The following LHFPL3 variants were observed in gnomAD, a reference collection of about 807,000 sequenced individuals.
The protein encoded by LHFPL3 is LHFPL tetraspan subfamily member 3 protein.
Under a neutral mutation model 19.3 loss-of-function variants are expected in LHFPL3, and 5 were observed. The ratio of observed to expected loss-of-function variants is 0.26; its 90% CI spans 0.14 to 0.54. The LOEUF is 0.54. Ranked by LOEUF, LHFPL3 falls within the 20% of genes least tolerant of loss-of-function variation. The pLI is 0.94. For synonymous variants in LHFPL3, 133 were observed against 126.2 expected (o/e 1.05, Z -0.36); for missense variants, 249 against 307.4 (o/e 0.81, Z 1.42).
At chr7:104,624,503 A>G (rs1057097802) in intron 1 of LHFPL3, among the ~76,000 whole-genome samples, 2 of 152,338 alleles carry the variant, frequency 1.3e-5, no homozygotes, top group Non-Finnish European at 2.9e-5. Flanking sequence ...TGCTTCAGCT[A>G]TAACCATAGT....
At chr7:104,819,057 G>C (rs959499839) in intron 2 of LHFPL3, among the ~76,000 whole-genome samples, 1 of 151,926 alleles carries the variant, frequency 6.6e-6, no homozygotes, top group Non-Finnish European at 1.5e-5. Flanking sequence ...TGTTTATTTT[G>C]CATGCCTTCA....
intron 1 of LHFPL3, among the ~76,000 whole-genome samples, chr7:104,332,543 C>T (rs1481133556): frequency 6.6e-6 from 1 of 152,084 alleles, no homozygotes; most frequent in African/African-American, 2.4e-5. Flanking sequence ...AATCCTATTT[C>T]AAGTGATACA....
At chr7:104,669,562 G>A in intron 1 of LHFPL3, 1 of 1,611,136 alleles carries the variant, frequency 6.2e-7, no homozygotes, top group Non-Finnish European at 8.5e-7. Context: ...TGAGGGAGAA[G>A]ATTATGCCAA....
intron 1 of LHFPL3, among the ~76,000 whole-genome samples, chr7:104,670,282 A>G (rs2116035638): frequency 6.6e-6 from 1 of 152,278 alleles, no homozygotes; most frequent in South Asian, 2.1e-4. Flanking sequence ...ATTTTGCACC[A>G]GGTAATAGGG....
chr7:104,410,519 T>A (rs1433141954), intron 1 of LHFPL3, among the ~76,000 whole-genome samples: 1 of 152,214 alleles, frequency 6.6e-6, no homozygotes, highest in Non-Finnish European at 1.5e-5. Flanking sequence ...AAATAATGAA[T>A]GTGAAAACAA....
intron 2 of LHFPL3, among the ~76,000 whole-genome samples, chr7:104,817,599 AC>A (rs1790580050): frequency 6.6e-6 from 1 of 152,206 alleles, no homozygotes; most frequent in Admixed American, 6.5e-5. Context: ...GAGGACAAAA[AC>A]AACATCTATG....
chr7:104,676,405 T>TA (rs905652195), intron 1 of LHFPL3, among the ~76,000 whole-genome samples: 4 of 152,096 alleles, frequency 2.6e-5, no homozygotes, highest in African/African-American at 4.8e-5. Flanking sequence ...CTTTTTACTT[T>TA]AAAAAAAATT....
At chr7:104,850,454 G>T (rs755247489) in intron 2 of LHFPL3, among the ~76,000 whole-genome samples, 7 of 152,156 alleles carry the variant, frequency 4.6e-5, no homozygotes, top group Admixed American at 2.0e-4. Flanking sequence ...TTCATTTTGG[G>T]TGTTGTTTTC....
chr7:104,377,197 A>G (rs1473138863), intron 1 of LHFPL3, among the ~76,000 whole-genome samples: 2 of 152,168 alleles, frequency 1.3e-5, no homozygotes, highest in Admixed American at 1.3e-4. Context: ...GGAAGGATAG[A>G]ATTTGCTGAT....
At chr7:104,541,103 GACACACACACACACACACACAC>G (rs58831498) in intron 1 of LHFPL3, among the ~76,000 whole-genome samples, 1 of 134,544 alleles carries the variant, frequency 7.4e-6, no homozygotes, top group East Asian at 2.2e-4. Context: ...TCCTCCCCAT[GACACACACACACACACACACAC>G]ACACACACAC....
intron 1 of LHFPL3, among the ~76,000 whole-genome samples, chr7:104,561,064 T>A (rs1391570317): frequency 6.6e-6 from 1 of 152,052 alleles, no homozygotes; most frequent in Non-Finnish European, 1.5e-5. Flanking sequence ...TTATAATTTC[T>A]GTTCTTTTAC....
intron 1 of LHFPL3, among the ~76,000 whole-genome samples, chr7:104,420,591 G>T (rs1791710402): frequency 8.5e-6 from 1 of 117,720 alleles, no homozygotes; most frequent in African/African-American, 3.2e-5. Context: ...ACGGAGTCTC[G>T]CTCTTTCGCC....
At chr7:104,868,207 T>C (rs1483255101) in intron 2 of LHFPL3, among the ~76,000 whole-genome samples, 2 of 152,064 alleles carry the variant, frequency 1.3e-5, no homozygotes, top group African/African-American at 4.8e-5. Context: ...CTATTCAACA[T>C]AGTGTTGGAA....
At chr7:104,626,959 T>G (rs994757587) in intron 1 of LHFPL3, among the ~76,000 whole-genome samples, 1 of 152,170 alleles carries the variant, frequency 6.6e-6, no homozygotes, top group Non-Finnish European at 1.5e-5. Flanking sequence ...AACATATCCA[T>G]TACTTCTCTT....
intron 1 of LHFPL3, among the ~76,000 whole-genome samples, chr7:104,463,854 T>C (rs1025720238): frequency 5.3e-5 from 8 of 152,150 alleles, no homozygotes; most frequent in Non-Finnish European, 1.2e-4. Context: ...AACCATATTG[T>C]CCGTCCCCAG....
At chr7:104,397,048 A>G (rs542248158) in intron 1 of LHFPL3, among the ~76,000 whole-genome samples, 11 of 152,182 alleles carry the variant, frequency 7.2e-5, no homozygotes, top group Non-Finnish European at 1.6e-4. Context: ...AAAAACATCA[A>G]ATGAATATAC....
intron 1 of LHFPL3, among the ~76,000 whole-genome samples, chr7:104,559,715 A>G (rs1425985218): frequency 6.6e-6 from 1 of 152,054 alleles, no homozygotes; most frequent in East Asian, 1.9e-4. Context: ...TTCCAACACT[A>G]TGTTGAATAG....
At chr7:104,822,383 C>A (rs1457334972) in intron 2 of LHFPL3, among the ~76,000 whole-genome samples, 2 of 152,168 alleles carry the variant, frequency 1.3e-5, no homozygotes, top group East Asian at 3.8e-4. Context: ...GAAATTTCAT[C>A]CTAGTCTAAA....
chr7:104,833,196 C>T (rs1452646684), intron 2 of LHFPL3, among the ~76,000 whole-genome samples: 1 of 75,652 alleles, frequency 1.3e-5, no homozygotes, highest in African/African-American at 5.7e-5. Context: ...TTAATAGTTA[C>T]TTGTATTAAC....
Sources: gnomAD v4.1 joint callset for allele counts (sites outside exome capture counted in the v4.1 genomes callset) on GRCh38, gnomAD v4.1.1 for gene constraint, MANE v1.5 for transcripts, NCBI Gene and HGNC (gene_info 2026-07-23, HGNC 2026-07-21) for gene names.